The following ERBB4 variants were observed in gnomAD, a reference collection of about 807,000 sequenced individuals.
ERBB4 encodes the protein erb-b2 receptor tyrosine kinase 4.
In ERBB4, 42 loss-of-function variants were observed where a neutral mutation model predicts 158.0. The ratio of observed to expected loss-of-function variants is 0.27; its 90% CI spans 0.21 to 0.34. The LOEUF (loss-of-function observed/expected upper bound fraction) is 0.34, where lower values mean the gene tolerates loss of function less well. Ranked by LOEUF, ERBB4 falls within the 10% of genes least tolerant of loss-of-function variation. ERBB4 has a pLI of 1.00. For missense variants in ERBB4, 1,333 were observed against 1,624.1 expected, an observed-to-expected ratio of 0.82 and a Z score of 3.08; for synonymous variants, 583 against 558.7, an observed-to-expected ratio of 1.04 and a Z score of -0.61.
chr2:212,198,570 G>C (rs2082497430), intron 1 of ERBB4, among the ~76,000 whole-genome samples: 1 of 151,842 alleles, frequency 6.6e-6, no homozygotes, highest in South Asian at 2.1e-4. Flanking sequence ...ATATTATACT[G>C]TATCTGCCAT....
chr2:212,117,783 T>A lies in ERBB4; in HGVS notation c.234+6969A>T, dbSNP rs577805775. Among the ~76,000 whole-genome samples, 6 of 152,282 alleles carry A rather than the reference T, an allele frequency of 3.9e-5. No individual in the cohort carries two copies. The South Asian group carries it at 1.2e-3, about 32-fold the overall frequency. ...ATTTAAATGGTGTTTTCCTCTCTAATGTTTCTAAAATATGACAAGTTTTCT... is the reference window on the plus strand; with the variant it reads ...ATTTAAATGGTGTTTTCCTCTCTAAAGTTTCTAAAATATGACAAGTTTTCT... On this transcript the variant is annotated intron_variant, in intron 2 of 27. Transcript: ENST00000342788.
chr2:212,120,485 T>G (rs1364612789), intron 2 of ERBB4, among the ~76,000 whole-genome samples: 1 of 152,212 alleles, frequency 6.6e-6, no homozygotes, highest in Non-Finnish European at 1.5e-5. Context: ...TAATGAATAT[T>G]TACTATGTCT....
At position 212,159,822 on chromosome 2, in the gene ERBB4, T is replaced by C. The variant is rs891461834; in HGVS notation, c.83-34919A>G. ...TGCTACGTACATCCATATTCAAGGA[T>C]CTTACATACCTAGAGCCAAACTTAT... is the stretch of plus-strand genomic sequence containing the variant. On this transcript the variant is annotated intron_variant, in intron 1 of 27. Transcript: ENST00000342788. Among the ~76,000 whole-genome samples, 12 of 152,104 alleles carry C rather than the reference T, an allele frequency of 7.9e-5. No individual in the cohort carries two copies. The East Asian group carries it at 2.3e-3, about 29-fold the overall frequency.
chr2:212,155,178 GTC>G (rs1364964899), intron 1 of ERBB4, among the ~76,000 whole-genome samples: 8 of 151,492 alleles, frequency 5.3e-5, no homozygotes, highest in African/African-American at 1.9e-4. Flanking sequence ...TAAGAAAAAA[GTC>G]TGTCTTTCAG....
At chr2:211,548,172 G>A (rs1399801051) in intron 20 of ERBB4, among the ~76,000 whole-genome samples, 1 of 151,904 alleles carries the variant, frequency 6.6e-6, no homozygotes, top group African/African-American at 2.4e-5. Context: ...CCTCCTTTGA[G>A]GCAATGAAAA....
At position 211,856,009 on chromosome 2, in the gene ERBB4, T is replaced by TACA. The variant is rs531044230; in HGVS notation, c.422-67853_422-67851dup. 2.9e-3 allele frequency among the ~76,000 whole-genome samples: 438 copies of TACA among 152,290 alleles called. 4 individuals are homozygous for TACA. In the Middle Eastern group the frequency reaches 0.031, roughly 11 times the overall value. ...TCAGAATGAAAAACTACTTCATGGG[T>TACA]ACAACGTACCTTATTTGGGTGACGG... On this transcript the variant is annotated intron_variant, in intron 3 of 27. Coordinates refer to ENST00000342788, the MANE Select transcript of ERBB4 (RefSeq NM_005235.3).
chr2:212,469,181 A>G (rs1688992237), intron 1 of ERBB4, among the ~76,000 whole-genome samples: 6 of 152,200 alleles, frequency 3.9e-5, no homozygotes, highest in Admixed American at 3.9e-4. Context: ...CAACTACTAA[A>G]CATCTGAATA....
At chr2:212,355,809 T>TATGTGTGAG (rs1255245507) in intron 1 of ERBB4, among the ~76,000 whole-genome samples, 2 of 152,006 alleles carry the variant, frequency 1.3e-5, no homozygotes, top group East Asian at 3.9e-4. Flanking sequence ...TATATGTGTG[T>TATGTGTGAG]ATGTGTGAGT....
chr2:211,943,108 A>G lies in ERBB4; in HGVS notation c.421+4322T>C, dbSNP rs896648821. ...TTAAGTATTTATGAAAGATTCCTTTATATCTACAATATAATATATAGATTA... is the reference window on the plus strand; with the variant it reads ...TTAAGTATTTATGAAAGATTCCTTTGTATCTACAATATAATATATAGATTA... On this transcript the variant is annotated intron_variant, in intron 3 of 27. Coordinates refer to ENST00000342788, the MANE Select transcript of ERBB4 (RefSeq NM_005235.3). 5.9e-5 allele frequency among the ~76,000 whole-genome samples: 9 copies of G among 152,124 alleles called. 1 individual carries two copies. Among genetic ancestry groups the G allele is most frequent in the African/African-American group, 1.9e-4 (8 of 41,436 alleles).
At chr2:211,805,169 T>G (rs536574186) in intron 3 of ERBB4, among the ~76,000 whole-genome samples, 1 of 152,306 alleles carries the variant, frequency 6.6e-6, no homozygotes, top group Non-Finnish European at 1.5e-5. Context: ...CCCATCCGCC[T>G]GTGCCTCCCA....
intron 19 of ERBB4, among the ~76,000 whole-genome samples, chr2:211,578,950 T>C (rs899795350): frequency 6.6e-6 from 1 of 152,070 alleles, no homozygotes; most frequent in Non-Finnish European, 1.5e-5. Flanking sequence ...GATTGACAAA[T>C]GGGATCTAAC....
chr2:212,168,242 T>C (rs1377077382), intron 1 of ERBB4, among the ~76,000 whole-genome samples: 2 of 152,088 alleles, frequency 1.3e-5, no homozygotes, highest in Non-Finnish European at 2.9e-5. Context: ...GGGAATACAC[T>C]GGAGTAATTT....
At chr2:211,629,021 GT>G (rs1463741389) in intron 17 of ERBB4, among the ~76,000 whole-genome samples, 1 of 151,766 alleles carries the variant, frequency 6.6e-6, no homozygotes, top group Non-Finnish European at 1.5e-5. Flanking sequence ...GGGGTTGTTT[GT>G]TTTTTTTCTT....
intron 3 of ERBB4, among the ~76,000 whole-genome samples, chr2:211,852,093 T>C (rs962920007): frequency 6.6e-6 from 1 of 151,976 alleles, no homozygotes; most frequent in Non-Finnish European, 1.5e-5. Context: ...TAGTCCAGGC[T>C]CTTATCATTC....
intron 1 of ERBB4, among the ~76,000 whole-genome samples, chr2:212,238,572 G>A (rs1450858636): frequency 1.3e-5 from 2 of 152,048 alleles, no homozygotes. Flanking sequence ...AACTTAAATA[G>A]TTTTTAAAAT....
At chr2:212,023,269 T>C (rs1178850659) in intron 2 of ERBB4, among the ~76,000 whole-genome samples, 1 of 152,152 alleles carries the variant, frequency 6.6e-6, no homozygotes, top group Admixed American at 6.6e-5. Context: ...ATTTTTGTAG[T>C]CCATTGTAGT....
intron 3 of ERBB4, among the ~76,000 whole-genome samples, chr2:211,916,781 G>A (rs956938493): frequency 1.3e-5 from 2 of 152,032 alleles, no homozygotes; most frequent in African/African-American, 4.8e-5. Context: ...AGATTCTTAT[G>A]TACCATAAAT....
chr2:212,375,214 G>A (rs1272106089), intron 1 of ERBB4, among the ~76,000 whole-genome samples: 1 of 152,042 alleles, frequency 6.6e-6, no homozygotes, highest in Non-Finnish European at 1.5e-5. Flanking sequence ...AGATTATGGA[G>A]AGAAATCCCC....
intron 2 of ERBB4, among the ~76,000 whole-genome samples, chr2:212,006,830 T>C (rs1267686530): frequency 6.6e-6 from 1 of 152,068 alleles, no homozygotes; most frequent in African/African-American, 2.4e-5. Flanking sequence ...TGTCAATGTA[T>C]TTATTAAAAT....
Sources: allele counts gnomAD v4.1 joint callset (sites outside exome capture counted in the v4.1 genomes callset), GRCh38; gene constraint gnomAD v4.1.1; transcripts MANE v1.5; gene names NCBI Gene and HGNC (gene_info 2026-07-23, HGNC 2026-07-21).